The following PALLD variants were observed in gnomAD, a reference collection of about 807,000 sequenced individuals.
The protein encoded by PALLD is palladin.
Under a neutral mutation model 123.5 loss-of-function variants are expected in PALLD, and 61 were observed. The ratio of observed to expected loss-of-function variants is 0.49; its 90% CI spans 0.40 to 0.61. The LOEUF is 0.61. Among genes scored for constraint, PALLD ranks in the 20% least tolerant of loss-of-function variants. PALLD has a pLI of 0.00. For synonymous variants in PALLD, 465 were observed against 496.4 expected (o/e 0.94, Z 0.84); for missense variants, 1,273 against 1,377.0 (o/e 0.92, Z 1.20).
In PALLD at chr4:168,671,042, A is replaced by G. The variant is rs1437867550; in HGVS notation, c.1087+2674A>G. On this transcript the variant is annotated intron_variant, in intron 3 of 21. Coordinates refer to ENST00000505667, the MANE Select transcript of PALLD (RefSeq NM_001166108.2). ...CAAAAAAAAGAAAAAAAAAATGTAA[A>G]ATGATAAAGTAATATTATAATAAGT... 2.6e-5 allele frequency among the ~76,000 whole-genome samples: 4 copies of G among 151,824 alleles called. No individual in the cohort carries two copies. In the East Asian group the frequency reaches 5.8e-4, roughly 22 times the overall value.
chr4:168,650,318 T>C (rs1311946294), intron 2 of PALLD, among the ~76,000 whole-genome samples: 1 of 152,254 alleles, frequency 6.6e-6, no homozygotes, highest in Non-Finnish European at 1.5e-5. Flanking sequence ...CCTCTCAAGA[T>C]AAGTTACAAC....
chr4:168,697,279 C>T (rs6842732), intron 8 of PALLD, among the ~76,000 whole-genome samples: 20,036 of 152,120 alleles, frequency 0.13, 1,629 homozygotes, highest in East Asian at 0.33. Context: ...CTCTGGAACC[C>T]GACAGTGTGC....
intron 10 of PALLD, among the ~76,000 whole-genome samples, chr4:168,861,320 A>G (rs1002313863): frequency 6.6e-6 from 1 of 152,052 alleles, no homozygotes; most frequent in African/African-American, 2.4e-5. Context: ...GAACCACCAT[A>G]CAGCTTATAT....
intron 2 of PALLD, among the ~76,000 whole-genome samples, chr4:168,527,044 C>G (rs1224815826): frequency 6.6e-6 from 1 of 152,190 alleles, no homozygotes; most frequent in Non-Finnish European, 1.5e-5. Context: ...CAGTCTCCTC[C>G]TTTGCCAGCT....
At chr4:168,787,116 C>CA (rs2150581142) in intron 10 of PALLD, among the ~76,000 whole-genome samples, 1 of 152,284 alleles carries the variant, frequency 6.6e-6, no homozygotes, top group African/African-American at 2.4e-5. Context: ...GAAATGTTTA[C>CA]ACCTTGCCAG....
At chr4:168,670,258 A>G (rs1404281486) in intron 3 of PALLD, among the ~76,000 whole-genome samples, 1 of 152,240 alleles carries the variant, frequency 6.6e-6, no homozygotes, top group Non-Finnish European at 1.5e-5. Context: ...TGCTGCTTTC[A>G]TACTACAAAT....
intron 2 of PALLD, among the ~76,000 whole-genome samples, chr4:168,628,455 A>G (rs1475661010): frequency 6.6e-6 from 1 of 152,008 alleles, no homozygotes; most frequent in Non-Finnish European, 1.5e-5. Context: ...GACATTCTAC[A>G]TCTCACTTTC....
chr4:168,635,346 A>G (rs1365743550), intron 2 of PALLD, among the ~76,000 whole-genome samples: 1 of 152,186 alleles, frequency 6.6e-6, no homozygotes, highest in Admixed American at 6.5e-5. Flanking sequence ...GTCCATGGGA[A>G]CACATAACAC....
intron 2 of PALLD, among the ~76,000 whole-genome samples, chr4:168,535,569 T>TATAC (rs1765014591): frequency 6.6e-6 from 1 of 152,160 alleles, no homozygotes; most frequent in Admixed American, 6.5e-5. Context: ...GGTGTATGCG[T>TATAC]ATACCACTTT....
intron 10 of PALLD, among the ~76,000 whole-genome samples, chr4:168,780,098 C>T (rs1332340200): frequency 1.3e-5 from 2 of 152,034 alleles, no homozygotes; most frequent in African/African-American, 2.4e-5. Flanking sequence ...GGGGTTTCAC[C>T]ATGTTAGCCA....
intron 2 of PALLD, among the ~76,000 whole-genome samples, chr4:168,645,171 C>T (rs1777324264): frequency 6.6e-6 from 1 of 151,654 alleles, no homozygotes. Flanking sequence ...TATCAGTATT[C>T]AAATTATGTA....
chr4:168,928,326 T>TAA lies in PALLD; in HGVS notation c.*2155_*2156dup, dbSNP rs398064261. 4.5e-5 allele frequency: 8 copies of TAA among 179,418 alleles called. No individual in the cohort carries two copies. The highest frequency in any genetic ancestry group is 7.2e-5 in the African/African-American group (3 of 41,928). The allele number at this position is 179,418 out of a possible 1,614,324, so 11.1% of individuals were successfully genotyped here. ...TTTTGCCACCTTTATATTGTATTTA[T>TAA]AAAAAAAAAAGTACTATCAATCAAT... On this transcript the variant is annotated 3_prime_UTR_variant, in exon 22 of 22. Transcript: ENST00000505667.
intron 2 of PALLD, among the ~76,000 whole-genome samples, chr4:168,553,990 A>T (rs962536030): frequency 1.3e-5 from 2 of 152,156 alleles, no homozygotes; most frequent in African/African-American, 2.4e-5. Context: ...CATTTACCAC[A>T]TCTTTCCCTG....
chr4:168,776,524 G>A (rs1424980084), intron 10 of PALLD, among the ~76,000 whole-genome samples: 2 of 152,182 alleles, frequency 1.3e-5, no homozygotes, highest in African/African-American at 4.8e-5. Context: ...AATGGCCAAA[G>A]CCTTCAGTAA....
At position 168,898,519 on chromosome 4, in the gene PALLD, G is replaced by A; in HGVS notation, c.2277G>A (p.Gln759=). Reference sequence around the variant, plus strand: ...AATACAAAGTCTCCAGCTGTGAACAGAGACTCATCAGTGAAATAGAGTACA... The same window carrying A: ...AATACAAAGTCTCCAGCTGTGAACAAAGACTCATCAGTGAAATAGAGTACA... ...QKEYKVSSCE[Q]RLISEIEYRL... is the part of the protein sequence containing the mutation. Residue 759 remains glutamine (Q), a synonymous_variant, in exon 14 of 22, where the codon CAG becomes CAA. Transcript: ENST00000505667. The A allele has an allele frequency of 6.2e-7, 1 of 1,613,280 alleles. No individual in the cohort carries two copies. The highest frequency in any genetic ancestry group is 8.5e-7 in the Non-Finnish European group (1 of 1,179,240).
At chr4:168,764,518 A>G (rs1351446796) in intron 10 of PALLD, among the ~76,000 whole-genome samples, 4 of 152,124 alleles carry the variant, frequency 2.6e-5, no homozygotes, top group African/African-American at 9.7e-5. Context: ...CCTGGGCTCA[A>G]GAGATTCTCT....
At chr4:168,761,643 TTG>T in intron 10 of PALLD, among the ~76,000 whole-genome samples, 2 of 74,134 alleles carry the variant, frequency 2.7e-5, no homozygotes, top group African/African-American at 5.8e-5. Context: ...TTGTTGTTGT[TTG>T]TTTTTTTTTT....
chr4:168,531,754 A>G (rs17054304), intron 2 of PALLD, among the ~76,000 whole-genome samples: 63,321 of 151,970 alleles, frequency 0.42, 14,295 homozygotes, highest in African/African-American at 0.6. Context: ...GGTATTGGCC[A>G]CCAGGTCAAC....
At position 168,511,869 on chromosome 4, in the gene PALLD, C is replaced by T. The variant is rs116158771; in HGVS notation, c.365C>T (p.Pro122Leu). 715 of 1,614,094 alleles carry T rather than the reference C, an allele frequency of 4.4e-4. 3 individuals are homozygous for T. The highest frequency in any genetic ancestry group is 3.6e-4 in the East Asian group (16 of 44,872). The change falls in exon 2 of 22, where the codon CCT (proline) becomes CTT (leucine). Residue 122 changes from proline to leucine, a missense_variant. By Grantham distance (98) the Pro-to-Leu change is moderately conservative. Around this residue, in one of 2 missense-constraint regions of PALLD, gnomAD observed 944 missense variants for 954.5 expected, o/e 0.99. Transcript: ENST00000505667. ...SISSPVSKRK[P>L]AMSPLLTRPS... The stretch of plus-strand genomic sequence containing the variant: ...TCTTCACCTGTTTCAAAGAGGAAAC[C>T]TGCCATGTCACCCCTGCTCACCAGG...
Sources: gnomAD v4.1 joint callset for allele counts (sites outside exome capture counted in the v4.1 genomes callset) on GRCh38, gnomAD v4.1.1 for gene constraint, gnomAD v4.1.1 regional missense constraint, MANE v1.5 for transcripts, NCBI Gene and HGNC (gene_info 2026-07-23, HGNC 2026-07-21) for gene names.